Variants in THRB observed in about 807,000 individuals in gnomAD.
THRB encodes the protein thyroid hormone receptor beta.
A neutral mutation model predicts 47.8 loss-of-function variants in THRB; 12 were observed. The observed-to-expected ratio is 0.25, with a 90% CI of 0.16 to 0.41. The LOEUF (loss-of-function observed/expected upper bound fraction) is 0.41, where lower values mean the gene tolerates loss of function less well. THRB is among the 10% of genes least tolerant of loss of function. The pLI is 1.00. For synonymous variants in THRB, 218 were observed against 212.2 expected (o/e 1.03, Z -0.24); for missense variants, 348 against 589.2 (o/e 0.59, Z 4.24).
At chr3:24,472,118 A>T (rs1310111414) in intron 1 of THRB, among the ~76,000 whole-genome samples, 1 of 152,184 alleles carries the variant, frequency 6.6e-6, no homozygotes, top group Non-Finnish European at 1.5e-5. Flanking sequence ...AATCTCAGAA[A>T]AATTAAGCAA....
intron 3 of THRB, among the ~76,000 whole-genome samples, chr3:24,291,908 A>T (rs1407757244): frequency 2.6e-5 from 4 of 152,096 alleles, no homozygotes; most frequent in African/African-American, 9.7e-5. Flanking sequence ...ATGTAAATAT[A>T]TATGTATATA....
intron 1 of THRB, among the ~76,000 whole-genome samples, chr3:24,407,942 C>A (rs902007382): frequency 6.6e-6 from 1 of 151,826 alleles, no homozygotes; most frequent in Non-Finnish European, 1.5e-5. Flanking sequence ...ATATTTGACT[C>A]ATAAACAAGT....
intron 1 of THRB, among the ~76,000 whole-genome samples, chr3:24,435,089 G>A (rs570461597): frequency 4.6e-5 from 7 of 152,162 alleles, no homozygotes; most frequent in Non-Finnish European, 8.8e-5. Flanking sequence ...AACTGGAGCT[G>A]CCTTCATTGA....
intron 4 of THRB, among the ~76,000 whole-genome samples, chr3:24,221,349 A>G (rs1373400756): frequency 7.5e-6 from 1 of 133,754 alleles, no homozygotes; most frequent in African/African-American, 2.9e-5. Flanking sequence ...AGAGGAAGAT[A>G]CATCCCCACA....
intron 1 of THRB, among the ~76,000 whole-genome samples, chr3:24,417,710 A>G (rs28706917): frequency 1.3e-5 from 2 of 151,934 alleles, no homozygotes; most frequent in Non-Finnish European, 2.9e-5. Flanking sequence ...CAAAAGAGAA[A>G]GTCATTCTAG....
intron 3 of THRB, among the ~76,000 whole-genome samples, chr3:24,245,187 G>T (rs2049986508): frequency 6.6e-6 from 1 of 152,194 alleles, no homozygotes; most frequent in African/African-American, 2.4e-5. Flanking sequence ...TTGAATGAAT[G>T]GTAAGTTTTC....
intron 3 of THRB, among the ~76,000 whole-genome samples, chr3:24,244,832 C>T (rs1467003335): frequency 2.0e-5 from 3 of 152,128 alleles, no homozygotes; most frequent in Non-Finnish European, 4.4e-5. Context: ...ACAATAACAG[C>T]ACATTGCAAT....
chr3:24,288,412 G>C (rs924918170), intron 3 of THRB, among the ~76,000 whole-genome samples: 3 of 152,138 alleles, frequency 2.0e-5, no homozygotes, highest in African/African-American at 7.2e-5. Flanking sequence ...GTTGTGCTTG[G>C]ACACAAAATT....
chr3:24,427,126 G>C (rs1480954317), intron 1 of THRB, among the ~76,000 whole-genome samples: 1 of 151,954 alleles, frequency 6.6e-6, no homozygotes, highest in African/African-American at 2.4e-5. Context: ...TGAGGCGCCA[G>C]ATGGTTTCCA....
intron 5 of THRB, among the ~76,000 whole-genome samples, chr3:24,157,559 C>CA (rs769265588): frequency 6.6e-6 from 1 of 152,142 alleles, no homozygotes; most frequent in Non-Finnish European, 1.5e-5. Flanking sequence ...GACAGGGACT[C>CA]ACTTCTGTCA....
intron 2 of THRB, among the ~76,000 whole-genome samples, chr3:24,317,773 T>C (rs752685955): frequency 2.6e-5 from 4 of 152,226 alleles, no homozygotes; most frequent in Non-Finnish European, 5.9e-5. Flanking sequence ...AAGTCTAACT[T>C]CAGCCAGGTT....
At chr3:24,251,027 AAAG>A (rs2050614366) in intron 3 of THRB, among the ~76,000 whole-genome samples, 1 of 152,070 alleles carries the variant, frequency 6.6e-6, no homozygotes, top group African/African-American at 2.4e-5. Context: ...AATAGAAAAA[AAAG>A]AAAGAAAATC....
chr3:24,368,267 C>A (rs546237498), intron 1 of THRB, among the ~76,000 whole-genome samples: 4 of 152,076 alleles, frequency 2.6e-5, no homozygotes, highest in Non-Finnish European at 5.9e-5. Context: ...CTTCACAGCA[C>A]CCTGGGGTCC....
At chr3:24,371,683 A>C (rs1045790706) in intron 1 of THRB, among the ~76,000 whole-genome samples, 17 of 152,080 alleles carry the variant, frequency 1.1e-4, no homozygotes, top group Non-Finnish European at 2.1e-4. Context: ...GTTGTCATAG[A>C]ATACTAGCAG....
chr3:24,460,253 AT>A (rs1553768594), intron 1 of THRB, among the ~76,000 whole-genome samples: 2 of 151,994 alleles, frequency 1.3e-5, no homozygotes, highest in South Asian at 2.1e-4. Context: ...GAAGGTTATT[AT>A]TTTTTTTCTT....
At chr3:24,482,482 T>G (rs73823331) in intron 1 of THRB, among the ~76,000 whole-genome samples, 2,571 of 150,180 alleles carry the variant, frequency 0.017, 71 homozygotes, top group African/African-American at 0.055. Context: ...CACCACTTCC[T>G]GATTCATTCA....
intron 1 of THRB, among the ~76,000 whole-genome samples, chr3:24,470,953 A>G (rs1427885593): frequency 6.6e-6 from 1 of 152,194 alleles, no homozygotes; most frequent in Non-Finnish European, 1.5e-5. Context: ...ATGTCAATCT[A>G]TCAAGTGTTT....
intron 1 of THRB, among the ~76,000 whole-genome samples, chr3:24,342,997 T>C (rs772401229): frequency 3.3e-5 from 5 of 152,118 alleles, no homozygotes; most frequent in Non-Finnish European, 5.9e-5. Context: ...AAGACTTGGT[T>C]CTAATCCAAG....
chr3:24,228,491 G>A (rs1011469101), intron 4 of THRB, among the ~76,000 whole-genome samples: 1 of 151,854 alleles, frequency 6.6e-6, no homozygotes. Flanking sequence ...AACATACACC[G>A]GGTGCAGTGG....
Sources: gnomAD v4.1 joint callset for allele counts (sites outside exome capture counted in the v4.1 genomes callset) on GRCh38, gnomAD v4.1.1 for gene constraint, MANE v1.5 for transcripts, NCBI Gene and HGNC (gene_info 2026-07-23, HGNC 2026-07-21) for gene names.